Variants in HSD17B2 observed in about 807,000 individuals in gnomAD.
The protein encoded by HSD17B2 is hydroxysteroid 17-beta dehydrogenase 2.
Under a neutral mutation model 26.9 loss-of-function variants are expected in HSD17B2, and 32 were observed. The ratio of observed to expected loss-of-function variants is 1.19; its 90% CI spans 0.90 to 1.60. The LOEUF is 1.60. HSD17B2 is among the 40% of genes most tolerant of loss of function. The pLI, the probability that HSD17B2 is intolerant of heterozygous loss-of-function variation, is 0.00. For synonymous variants in HSD17B2, 246 were observed against 186.7 expected, an observed-to-expected ratio of 1.32 and a Z score of -2.59; for missense variants, 613 against 468.6, an observed-to-expected ratio of 1.31 and a Z score of -2.85.
intron 3 of HSD17B2, 31 bp downstream of exon 3, chr16:82,071,158 G>A: frequency 6.2e-7 from 1 of 1,601,488 alleles, no homozygotes; most frequent in Non-Finnish European, 8.6e-7. Flanking sequence ...ATGGTCATGG[G>A]GTGCCCATCA....
chr16:82,057,076 T>C (rs1914290099), intron 1 of HSD17B2, among the ~76,000 whole-genome samples: 1 of 152,154 alleles, frequency 6.6e-6, no homozygotes. Context: ...CTGATATAAA[T>C]AAGTGATTGA....
chr16:82,068,484 G>C lies in HSD17B2; in HGVS notation c.478+102G>C, dbSNP rs1914625515. 3.1e-6 allele frequency: 3 copies of C among 967,750 alleles called. No homozygotes were observed. In the Admixed American group the frequency reaches 6.8e-5, roughly 22 times the overall value. The allele number at this position is 967,750 out of a possible 1,614,324, so 59.9% of individuals were successfully genotyped here. On this transcript the variant is annotated intron_variant, in intron 2 of 4. Transcript: ENST00000199936. ...GCCCCCCCACTCCACTCTGGGCACT[G>C]TTTGCCCTGAAGCACACCTGTGCTG...
chr16:82,075,574 G>C (rs1045025807), intron 3 of HSD17B2, among the ~76,000 whole-genome samples: 3 of 152,040 alleles, frequency 2.0e-5, no homozygotes, highest in African/African-American at 7.2e-5. Flanking sequence ...ATCATTAGAG[G>C]CTACTATGAG....
intron 1 of HSD17B2, among the ~76,000 whole-genome samples, chr16:82,054,434 T>C (rs1017200676): frequency 3.3e-5 from 5 of 152,004 alleles, no homozygotes; most frequent in African/African-American, 4.8e-5. Context: ...AACTTCCACC[T>C]CCCAGGTTCA....
chr16:82,053,097 T>A (rs1261019452), intron 1 of HSD17B2, among the ~76,000 whole-genome samples: 3 of 152,198 alleles, frequency 2.0e-5, no homozygotes. Flanking sequence ...GGGGATTAAG[T>A]TTACTACACA....
chr16:82,068,122 C>G, intron 1 of HSD17B2, 48 bp from the exon 2 acceptor site: 1 of 1,464,548 alleles, frequency 6.8e-7, no homozygotes, highest in Non-Finnish European at 9.6e-7. Context: ...ATATTTTCTC[C>G]TGTCACTCTG....
chr16:82,045,685 T>C lies in HSD17B2; in HGVS notation c.265+9996T>C, dbSNP rs900965831. Among the ~76,000 whole-genome samples the C allele has an allele frequency of 1.6e-4, 24 of 152,362 alleles. No individual in the cohort carries two copies. The Middle Eastern group carries it at 0.014, about 86-fold the overall frequency. ...TTTTGCACTCTGACTGTTTCTTGGC[T>C]AGCAAGCCCTCTTTTTGTAGCAGAC... On this transcript the variant is annotated intron_variant, in intron 1 of 4. Coordinates refer to ENST00000199936, the MANE Select transcript of HSD17B2 (RefSeq NM_002153.3).
intron 3 of HSD17B2, among the ~76,000 whole-genome samples, chr16:82,074,770 A>AC (rs1904293018): frequency 6.6e-6 from 1 of 152,254 alleles, no homozygotes; most frequent in Admixed American, 6.5e-5. Flanking sequence ...TCAATACTCC[A>AC]CTTTCAGCTT....
At chr16:82,050,063 G>C (rs1420390481) in intron 1 of HSD17B2, among the ~76,000 whole-genome samples, 1 of 152,240 alleles carries the variant, frequency 6.6e-6, no homozygotes, top group African/African-American at 2.4e-5. Context: ...TCCGTCCCAG[G>C]TGAAGCTAAT....
intron 1 of HSD17B2, among the ~76,000 whole-genome samples, chr16:82,064,657 C>G (rs958545309): frequency 6.6e-6 from 1 of 152,042 alleles, no homozygotes; most frequent in South Asian, 2.1e-4. Context: ...AAAACTAACT[C>G]GAGAAAGAAG....
At chr16:82,087,130 G>C (rs1345147603) in intron 3 of HSD17B2, among the ~76,000 whole-genome samples, 1 of 152,154 alleles carries the variant, frequency 6.6e-6, no homozygotes, top group East Asian at 1.9e-4. Context: ...CCATAACAAG[G>C]TGTGTTCTCT....
chr16:82,039,645 C>T (rs1221441538), intron 1 of HSD17B2, among the ~76,000 whole-genome samples: 3 of 152,182 alleles, frequency 2.0e-5, no homozygotes, highest in Non-Finnish European at 1.5e-5. Flanking sequence ...TTCCTTCCCC[C>T]TCTTCTGAGG....
At chr16:82,048,828 T>C (rs1914018487) in intron 1 of HSD17B2, among the ~76,000 whole-genome samples, 1 of 152,206 alleles carries the variant, frequency 6.6e-6, no homozygotes, top group African/African-American at 2.4e-5. Context: ...GATGTGACAA[T>C]GTACTGCTTG....
chr16:82,035,429 G>C lies in HSD17B2; in HGVS notation c.5G>C (p.Ser2Thr). The change falls in exon 1 of 5, where the codon AGC (serine) becomes ACC (threonine). Residue 2 changes from serine to threonine, a missense_variant. Coordinates refer to ENST00000199936, the MANE Select transcript of HSD17B2 (RefSeq NM_002153.3). The stretch of plus-strand genomic sequence containing the variant: ...AGGTGCAGCAAGTCACTGAGAATGA[G>C]CACTTTCTTCTCGGACACAGCATGG... Reference protein sequence around the residue: MSTFFSDTAWIC... With the variant: MTTFFSDTAWIC... The C allele has an allele frequency of 2.5e-6, 4 of 1,610,298 alleles. No homozygotes were observed. Among genetic ancestry groups the C allele is most frequent in the Non-Finnish European group, 3.4e-6 (4 of 1,177,618 alleles).
At chr16:82,090,226 C>CTCAGAAGG (rs1275703049) in intron 3 of HSD17B2, 1 of 978,876 alleles carries the variant, frequency 1.0e-6, no homozygotes, top group Admixed American at 6.3e-5. Flanking sequence ...TACCAGGAAC[C>CTCAGAAGG]TCAGAAGGTA....
chr16:82,058,905 G>T (rs1484509218), intron 1 of HSD17B2, among the ~76,000 whole-genome samples: 1 of 152,138 alleles, frequency 6.6e-6, no homozygotes, highest in African/African-American at 2.4e-5. Flanking sequence ...CTGTGAGAAG[G>T]TGATGGGTTG....
chr16:82,065,513 T>A (rs996653366), intron 1 of HSD17B2, among the ~76,000 whole-genome samples: 2 of 152,190 alleles, frequency 1.3e-5, no homozygotes, highest in African/African-American at 2.4e-5. Flanking sequence ...GTGCCAATAA[T>A]AAGGCAGAAG....
chr16:82,084,796 G>A (rs547077761), intron 3 of HSD17B2, among the ~76,000 whole-genome samples: 19 of 152,166 alleles, frequency 1.2e-4, no homozygotes, highest in African/African-American at 3.4e-4. Context: ...GCAGTGGCAC[G>A]ATAGTAGCTC....
At chr16:82,050,341 G>A (rs570796337) in intron 1 of HSD17B2, among the ~76,000 whole-genome samples, 6 of 151,102 alleles carry the variant, frequency 4.0e-5, no homozygotes, top group East Asian at 3.9e-4. Flanking sequence ...TCCCCTGCCC[G>A]CCCATATACA....
Sources: allele counts gnomAD v4.1 joint callset (sites outside exome capture counted in the v4.1 genomes callset), GRCh38; gene constraint gnomAD v4.1.1; transcripts MANE v1.5; gene names NCBI Gene and HGNC (gene_info 2026-07-23, HGNC 2026-07-21).